EHD1: variants seen among roughly 807,000 people sequenced by gnomAD.
EHD1 encodes EH domain containing 1.
EHD1 carries 19 observed loss-of-function variants against 39.0 expected under a neutral mutation model. The ratio of observed to expected loss-of-function variants is 0.49; its 90% CI spans 0.34 to 0.72. The LOEUF (loss-of-function observed/expected upper bound fraction) is 0.72. Among genes scored for constraint, EHD1 ranks in the 30% least tolerant of loss-of-function variants. EHD1 has a pLI of 0.01. For missense variants in EHD1, 542 were observed against 751.5 expected, an observed-to-expected ratio of 0.72 and a Z score of 3.26; for synonymous variants, 323 against 331.2, an observed-to-expected ratio of 0.98 and a Z score of 0.27.
chr11:64,879,035 A>G, upstream of EHD1: 2 of 997,768 alleles, frequency 2.0e-6, no homozygotes, highest in Non-Finnish European at 2.4e-6. Context: ...GCCGTTCGCC[A>G]CGTGCGGTCC....
In EHD1 at chr11:64,851,871, A is replaced by G. The variant is rs779836758; in HGVS notation, c.*2462T>C. 2.0e-5 allele frequency: 3 copies of G among 152,218 alleles called. No individual in the cohort carries two copies. Among genetic ancestry groups the G allele is most frequent in the Non-Finnish European group, 4.4e-5 (3 of 68,036 alleles). 9.4% of individuals were successfully genotyped at this position (152,218 alleles called of 1,614,324 possible). A position where few individuals can be genotyped will look rare whatever the true frequency, so the allele number is the denominator to read the frequency against. ...GACTCTCCCTCTGTGAAATGGGGGA[A>G]CATGAACTTCCTCAGATCGTGACAG... On this transcript the variant is annotated 3_prime_UTR_variant, in exon 5 of 5. Transcript: ENST00000320631.
chr11:64,871,738 C>A (rs1488674222), intron 2 of EHD1, among the ~76,000 whole-genome samples: 1 of 152,154 alleles, frequency 6.6e-6, no homozygotes, highest in Admixed American at 6.5e-5. Flanking sequence ...GGGAGCCTGG[C>A]CTCTCAGGGA....
chr11:64,857,589 G>A (rs1264894771), intron 3 of EHD1, among the ~76,000 whole-genome samples: 1 of 152,094 alleles, frequency 6.6e-6, no homozygotes, highest in African/African-American at 2.4e-5. Context: ...CAGGGTACTT[G>A]GGGCACAATG....
intron 3 of EHD1, among the ~76,000 whole-genome samples, chr11:64,857,577 C>T (rs1299807084): frequency 3.3e-5 from 5 of 152,108 alleles, no homozygotes; most frequent in Non-Finnish European, 7.4e-5. Flanking sequence ...TGAGGTGGGG[C>T]CCAGGGTACT....
In EHD1 at chr11:64,852,306, A is replaced by C. The variant is rs1943590225; in HGVS notation, c.*2027T>G. ...AGAGGCCCGGCTTCCCTGTACTTAAACCGTCCTTGGGGCTAGCAAGGAGCC... is the reference window on the plus strand; with the variant it reads ...AGAGGCCCGGCTTCCCTGTACTTAACCCGTCCTTGGGGCTAGCAAGGAGCC... On this transcript the variant is annotated 3_prime_UTR_variant, in exon 5 of 5. Coordinates refer to ENST00000320631, the MANE Select transcript of EHD1 (RefSeq NM_006795.4). 6.6e-6 allele frequency: 1 copy of C among 151,980 alleles called. No homozygotes were observed. Among genetic ancestry groups the C allele is most frequent in the Admixed American group, 6.6e-5 (1 of 15,252 alleles). 9.4% of individuals were successfully genotyped at this position (151,980 alleles called of 1,614,324 possible).
intron 2 of EHD1, among the ~76,000 whole-genome samples, chr11:64,865,680 C>T (rs553429053): frequency 2.6e-5 from 4 of 152,318 alleles, no homozygotes; most frequent in African/African-American, 7.2e-5. Context: ...ACCTAGAAGA[C>T]ATGATGCTAA....
intron 1 of EHD1, among the ~76,000 whole-genome samples, chr11:64,876,982 C>G (rs1490747689): frequency 6.6e-6 from 1 of 152,184 alleles, no homozygotes; most frequent in African/African-American, 2.4e-5. Flanking sequence ...AGCTGCCCTG[C>G]ACAGCTGGAT....
At chr11:64,867,446 C>T (rs529817484) in intron 2 of EHD1, among the ~76,000 whole-genome samples, 2 of 151,376 alleles carry the variant, frequency 1.3e-5, no homozygotes, top group Admixed American at 6.6e-5. Context: ...AGGCTAAGCG[C>T]GGCGGCTTAT....
upstream of EHD1, chr11:64,878,973 TC>T: frequency 1.0e-6 from 1 of 1,001,384 alleles, no homozygotes; most frequent in Non-Finnish European, 1.2e-6. Flanking sequence ...GCGGGATGGC[TC>T]CACGAGACAC....
chr11:64,874,381 G>A, intron 2 of EHD1, 40 bp downstream of exon 2: 1 of 1,539,448 alleles, frequency 6.5e-7, no homozygotes. Context: ...AAGGATGTGT[G>A]ACAACACCAG....
At chr11:64,866,391 G>A (rs1943767045) in intron 2 of EHD1, among the ~76,000 whole-genome samples, 1 of 152,182 alleles carries the variant, frequency 6.6e-6, no homozygotes, top group Non-Finnish European at 1.5e-5. Flanking sequence ...TGGAATGGGT[G>A]AGGACAGAAA....
upstream of EHD1, chr11:64,878,859 G>A (rs1229202261): frequency 7.3e-6 from 8 of 1,093,292 alleles, no homozygotes; most frequent in Non-Finnish European, 8.9e-6. Flanking sequence ...CCCTCGTAGG[G>A]AGGCTCGCGA....
Position 64,861,938 on chromosome 11 carries a change from T to C in EHD1, c.503-1602A>G, listed in dbSNP as rs544052691. Among the ~76,000 whole-genome samples the C allele has an allele frequency of 3.9e-5, 6 of 152,300 alleles. 1 individual carries two copies. In the South Asian group the frequency reaches 1.2e-3, roughly 32 times the overall value. Reference sequence around the variant, plus strand: ...ATTCATTTTTTTAGAGACAGGGTTTTGCTCTGTCACCCAGGCTGGAGTGCA... The same window carrying C: ...ATTCATTTTTTTAGAGACAGGGTTTCGCTCTGTCACCCAGGCTGGAGTGCA... On this transcript the variant is annotated intron_variant, in intron 2 of 4. Transcript: ENST00000320631.
chr11:64,879,641 C>T (rs980958970), upstream of EHD1: 20 of 1,550,972 alleles, frequency 1.3e-5, no homozygotes, highest in African/African-American at 2.3e-4. Flanking sequence ...GGGGCTCACT[C>T]CCCCGCCATC....
intron 4 of EHD1, 178 bp from the exon 5 acceptor site, chr11:64,855,035 A>G: frequency 1.1e-6 from 1 of 884,266 alleles, no homozygotes; most frequent in Non-Finnish European, 1.7e-6. Flanking sequence ...AGGCACCTCC[A>G]GCTCTTTCCT....
chr11:64,878,784 G>T (rs896349417), upstream of EHD1: 33 of 1,237,236 alleles, frequency 2.7e-5, no homozygotes, highest in Admixed American at 3.3e-4. Flanking sequence ...GCCCCCATTG[G>T]CTGATTCCAA....
rs1443342227 is a variant in EHD1, at chr11:64,852,519, G to A, written c.*1814C>T. Reference sequence around the variant, plus strand: ...CTCAGCTCCCACCTTGCTCAGGGAAGGGGGCATCACCCCAGAAACCCTTTT... The same window carrying A: ...CTCAGCTCCCACCTTGCTCAGGGAAAGGGGCATCACCCCAGAAACCCTTTT... On this transcript the variant is annotated 3_prime_UTR_variant, in exon 5 of 5. Transcript: ENST00000320631. 1 of 152,294 alleles carries A rather than the reference G, an allele frequency of 6.6e-6. No homozygotes were observed. The highest frequency in any genetic ancestry group is 1.5e-5 in the Non-Finnish European group (1 of 68,128). The allele number at this position is 152,294 out of a possible 1,614,324, so 9.4% of individuals were successfully genotyped here. A position where few individuals can be genotyped will look rare whatever the true frequency, so the allele number is the denominator to read the frequency against.
At position 64,860,002 on chromosome 11, in the gene EHD1, G is replaced by A. The variant is rs1197043001; in HGVS notation, c.837C>T (p.Phe279=). Residue 279 remains phenylalanine, a synonymous_variant, in exon 3 of 5, where the codon TTC becomes TTT. Transcript: ENST00000320631. ...TTCGGGGCAGTGACTGGATGTCCTT[G>A]AAGAGGTCCTGCTCCTCGGCCTCAA... is the stretch of plus-strand genomic sequence containing the variant. The part of the protein sequence containing the change: ...KLFEAEEQDL[F]KDIQSLPRNA... 9.3e-6 allele frequency: 15 copies of A among 1,614,028 alleles called. No individual in the cohort carries two copies. The East Asian group carries it at 3.3e-4, about 36-fold the overall frequency.
chr11:64,879,164 G>C (rs1943926996), upstream of EHD1: 1 of 1,032,240 alleles, frequency 9.7e-7, no homozygotes, highest in Admixed American at 5.2e-5. Flanking sequence ...TATCTGCTTT[G>C]GGAGAGGGAG....
Sources: allele counts gnomAD v4.1 joint callset (sites outside exome capture counted in the v4.1 genomes callset), GRCh38; gene constraint gnomAD v4.1.1; transcripts MANE v1.5; gene names NCBI Gene and HGNC (gene_info 2026-07-23, HGNC 2026-07-21).